TMEM87A: variants seen among roughly 807,000 people sequenced by gnomAD.
The protein encoded by TMEM87A is Golgi-pH regulating cation channel.
TMEM87A carries 50 observed loss-of-function variants against 90.0 expected under a neutral mutation model. That is an observed-to-expected ratio of 0.56 (90% CI 0.44 to 0.70). TMEM87A has a LOEUF of 0.70. TMEM87A is among the 30% of genes least tolerant of loss of function. TMEM87A has a pLI of 0.00. For missense variants in TMEM87A, 577 were observed against 660.5 expected (o/e 0.87, Z 1.39); for synonymous variants, 226 against 226.7 (o/e 1.00, Z 0.03).
chr15:42,224,284 T>C (rs538131315), intron 15 of TMEM87A: 13 of 152,342 alleles, frequency 8.5e-5, no homozygotes, highest in East Asian at 1.9e-4. Context: ...ACTCTGGACA[T>C]TGAAAGCTCA....
upstream of TMEM87A, chr15:42,273,453 C>G: frequency 1.2e-6 from 2 of 1,605,758 alleles, no homozygotes; most frequent in Non-Finnish European, 1.7e-6. Flanking sequence ...CGGTTCGTCC[C>G]GCCTTCTTCC....
rs894722966 is a variant in TMEM87A, at chr15:42,223,172, C to A, written c.1404-3037G>T. ...TTTTGGGAGGCCAAGGCAGGCAGAT[C>A]GCTTGAGCTCAGGAGTTTATAACAA... is the stretch of plus-strand genomic sequence containing the variant. On this transcript the variant is annotated intron_variant, in intron 15 of 19. Coordinates refer to ENST00000389834, the MANE Select transcript of TMEM87A (RefSeq NM_015497.5). Among the ~76,000 whole-genome samples, 3 of 152,132 alleles carry A rather than the reference C, an allele frequency of 2.0e-5. No homozygotes were observed. In the East Asian group the frequency reaches 5.8e-4, roughly 29 times the overall value.
intron 10 of TMEM87A, among the ~76,000 whole-genome samples, chr15:42,235,309 G>A (rs374440961): frequency 1.3e-5 from 2 of 152,184 alleles, no homozygotes; most frequent in South Asian, 2.1e-4. Context: ...AAAGTGTGAG[G>A]ATTATGGCGT....
intron 13 of TMEM87A, 51 bp downstream of exon 13, chr15:42,228,661 C>T: frequency 6.8e-7 from 1 of 1,477,108 alleles, no homozygotes; most frequent in Non-Finnish European, 9.5e-7. Flanking sequence ...TTAAGAATGT[C>T]CATTCTAAAC....
At chr15:42,237,739 G>C (rs1226346132) in intron 8 of TMEM87A, 124 bp from the exon 9 acceptor site, 5 of 838,272 alleles carry the variant, frequency 6.0e-6, no homozygotes, top group Non-Finnish European at 8.4e-6. Flanking sequence ...TGTTGCCTAG[G>C]ATGGTCTTGA....
intron 7 of TMEM87A, among the ~76,000 whole-genome samples, chr15:42,241,522 G>C (rs2050867298): frequency 6.6e-6 from 1 of 152,156 alleles, no homozygotes; most frequent in Non-Finnish European, 1.5e-5. Flanking sequence ...GCAGCAAAAG[G>C]TAAACTGGGA....
chr15:42,237,595 A>C lies in TMEM87A; in HGVS notation c.705T>G (p.Ile235Met). The change falls in exon 9 of 20, where the codon ATT (isoleucine) becomes ATG (methionine). Residue 235 changes from isoleucine to methionine, a missense_variant. Transcript: ENST00000389834. Reference protein sequence around the residue: ...PLMIFFMVMCIVYVLFGVLWL... With the variant: ...PLMIFFMVMCMVYVLFGVLWL... ...ACAGAACACCAAACAGGACATATAC[A>C]ATACACATCACCATGAAAAACTGTT... is the stretch of plus-strand genomic sequence containing the variant. 6.3e-7 allele frequency: 1 copy of C among 1,598,718 alleles called. No homozygotes were observed. The highest frequency in any genetic ancestry group is 8.5e-7 in the Non-Finnish European group (1 of 1,172,346).
chr15:42,249,195 C>A (rs551632473), intron 6 of TMEM87A, among the ~76,000 whole-genome samples: 1 of 152,198 alleles, frequency 6.6e-6, no homozygotes, highest in South Asian at 2.1e-4. Context: ...ATTAGTCTTG[C>A]TAGAGGTCTA....
chr15:42,258,435 C>CTTT, intron 6 of TMEM87A: 1 of 620,302 alleles, frequency 1.6e-6, no homozygotes, highest in Non-Finnish European at 2.0e-6. Flanking sequence ...TATCTTTTTT[C>CTTT]TTTTTTTTTT....
Position 42,273,235 on chromosome 15 carries a change from T to A in TMEM87A, c.144+20A>T. On this transcript the variant is annotated intron_variant, in intron 1 of 19. Coordinates refer to ENST00000389834, the MANE Select transcript of TMEM87A (RefSeq NM_015497.5). ...CCCCTTGCTCCTCTAGGTTCAGACG[T>A]TAGTGAAGTGAATACTCACCGACGG... 6.2e-7 allele frequency: 1 copy of A among 1,613,796 alleles called. No homozygotes were observed. Among genetic ancestry groups the A allele is most frequent in the African/African-American group, 1.3e-5 (1 of 74,976 alleles).
At chr15:42,225,640 T>C (rs145511536) in intron 15 of TMEM87A, among the ~76,000 whole-genome samples, 1,637 of 152,256 alleles carry the variant, frequency 0.011, 31 homozygotes, top group African/African-American at 0.038. Context: ...CAAGCGATTC[T>C]TGTGCCTCAG....
At chr15:42,273,201 G>A (rs1421586643) in intron 1 of TMEM87A, 54 bp downstream of exon 1, 3 of 1,605,300 alleles carry the variant, frequency 1.9e-6, no homozygotes, top group Non-Finnish European at 1.7e-6. Context: ...TTGGGCCGCC[G>A]TAGCCCCACC....
chr15:42,256,181 C>A (rs1323469471), intron 6 of TMEM87A, among the ~76,000 whole-genome samples: 1 of 152,146 alleles, frequency 6.6e-6, no homozygotes, highest in Non-Finnish European at 1.5e-5. Flanking sequence ...CATTTTGTCA[C>A]CCAGGCTGGA....
At chr15:42,220,974 T>A (rs910557776) in intron 15 of TMEM87A, among the ~76,000 whole-genome samples, 9 of 152,086 alleles carry the variant, frequency 5.9e-5, no homozygotes, top group East Asian at 1.9e-4. Flanking sequence ...TGCATTTTTT[T>A]ATTAAAAATA....
intron 2 of TMEM87A, among the ~76,000 whole-genome samples, chr15:42,268,577 G>T (rs2051451426): frequency 6.6e-6 from 1 of 152,156 alleles, no homozygotes; most frequent in African/African-American, 2.4e-5. Flanking sequence ...GGAGGCAGGA[G>T]GATCACTTGA....
At position 42,228,748 on chromosome 15, in the gene TMEM87A, G is replaced by C; in HGVS notation, c.1204C>G (p.Arg402Gly). Residue 402 changes from arginine to glycine, a missense_variant, in exon 13 of 20, where the codon CGG (arginine) becomes GGG (glycine). Arg to Gly is a moderately radical substitution (Grantham distance 125). Transcript: ENST00000389834. Reference sequence around the variant, plus strand: ...AAAATAAGCGTGTTGGTGAAATGCCGATACAAAGAGAGTTTTACAATGTTC... The same window carrying C: ...AAAATAAGCGTGTTGGTGAAATGCCCATACAAAGAGAGTTTTACAATGTTC... ...RRNIVKLSLY[R>G]HFTNTLILAV... 6.2e-7 allele frequency: 1 copy of C among 1,610,138 alleles called. No individual in the cohort carries two copies.
At chr15:42,238,864 G>T (rs2050822319) in intron 8 of TMEM87A, among the ~76,000 whole-genome samples, 1 of 151,338 alleles carries the variant, frequency 6.6e-6, no homozygotes. Flanking sequence ...ACATCTAGAG[G>T]CAAGGAAACA....
Position 42,237,535 on chromosome 15 carries a change from G to T in TMEM87A, c.765C>A (p.Leu255=), listed in dbSNP as rs372661450. The change falls in exon 9 of 20, where the codon CTC becomes CTA. Residue 255 remains leucine (L), a synonymous_variant. Transcript: ENST00000389834. Reference sequence around the variant, plus strand: ...CACCAATCCAAAACTGAATTCTCAGGAGATCTCTCCAGTAGCAGGCAGACC... The same window carrying T: ...CACCAATCCAAAACTGAATTCTCAGTAGATCTCTCCAGTAGCAGGCAGACC... ...LAWSACYWRD[L]LRIQFWIGAV... 1 of 1,613,870 alleles carries T rather than the reference G, an allele frequency of 6.2e-7. No homozygotes were observed. The highest frequency in any genetic ancestry group is 8.5e-7 in the Non-Finnish European group (1 of 1,180,030).
rs1595757878 is a variant in TMEM87A, at chr15:42,273,373, A to T, written c.26T>A (p.Val9Glu). Residue 9 changes from valine to glutamate, a missense_variant, in exon 1 of 20, where the codon GTG becomes GAG. Physicochemically the swap from Val to Glu is moderately radical, Grantham distance 121. Transcript: ENST00000389834. Reference sequence around the variant, plus strand: ...CAGAAGCAGAAGAATGACAGGCAACACCTGAAGCCACGCAGCCGCCGCCAT... The same window carrying T: ...CAGAAGCAGAAGAATGACAGGCAACTCCTGAAGCCACGCAGCCGCCGCCAT... MAAAAWLQVLPVILLLLGA... is the reference protein window; with the variant it reads MAAAAWLQELPVILLLLGA... The T allele has an allele frequency of 5.0e-6, 8 of 1,614,004 alleles. No individual in the cohort carries two copies. Among genetic ancestry groups the T allele is most frequent in the Non-Finnish European group, 6.8e-6 (8 of 1,180,016 alleles).
Sources: gnomAD v4.1 joint callset for allele counts (sites outside exome capture counted in the v4.1 genomes callset) on GRCh38, gnomAD v4.1.1 for gene constraint, MANE v1.5 for transcripts, NCBI Gene and HGNC (gene_info 2026-07-23, HGNC 2026-07-21) for gene names.